The following TMEM255A variants were observed in gnomAD, a reference collection of about 807,000 sequenced individuals.
The protein encoded by TMEM255A is transmembrane protein 255A.
A neutral mutation model predicts 23.5 loss-of-function variants in TMEM255A; 14 were observed. The ratio of observed to expected loss-of-function variants is 0.60; its 90% CI spans 0.39 to 0.93. TMEM255A has a LOEUF of 0.93. Among genes scored for constraint, TMEM255A ranks in the 40% least tolerant of loss-of-function variants. The probability of loss-of-function intolerance (pLI) is 0.00; values close to 1 mark genes in which losing one functional copy is unlikely to be tolerated. For synonymous variants in TMEM255A, 104 were observed against 100.3 expected (o/e 1.04, Z -0.22); for missense variants, 233 against 261.7 (o/e 0.89, Z 0.76).
downstream of TMEM255A, chrX:120,253,975 A>G (rs185764423): frequency 3.6e-6 from 4 of 1,121,244 alleles, no homozygotes; most frequent in Non-Finnish European, 4.8e-6. Context: ...ATTGTTACCG[A>G]TTCTGATGAT....
Position 120,276,888 on chromosome X carries a change from G to A in TMEM255A, c.672C>T (p.Asp224=), listed in dbSNP as rs782179241. Residue 224 remains aspartate (D), a synonymous_variant, in exon 7 of 9, where the codon GAC becomes GAT. Coordinates refer to ENST00000371369, the MANE Select transcript of TMEM255A (RefSeq NM_001104544.3). The stretch of plus-strand genomic sequence containing the variant: ...GCAAAGTCAATTCTTTCCTTACCAT[G>A]TCCTTAAAGCCTCCAAGGACAGCGG... ...ITAAVLGGFK[D]MNPTLPALNC... The A allele has an allele frequency of 2.2e-5, 26 of 1,207,909 alleles. 1 individual carries two copies. In the East Asian group the frequency reaches 2.4e-4, roughly 11 times the overall value.
At chrX:120,288,462 T>C (rs1201107760) in intron 4 of TMEM255A, among the ~76,000 whole-genome samples, 2 of 112,401 alleles carry the variant, frequency 1.8e-5, no homozygotes, top group Non-Finnish European at 3.8e-5. Context: ...ATAATTATCA[T>C]AATTATCCTG....
At chrX:120,294,639 A>G (rs1556023708) in intron 2 of TMEM255A, among the ~76,000 whole-genome samples, 2 of 111,982 alleles carry the variant, frequency 1.8e-5, no homozygotes, top group Non-Finnish European at 3.8e-5. Context: ...TTCAATTGCA[A>G]TATCTATTAC....
the TMEM255A span, chrX:120,252,576 A>T: frequency 8.9e-6 from 1 of 111,963 alleles, no homozygotes; most frequent in South Asian, 3.6e-4. Context: ...ATGATTCTTT[A>T]CCAACAAAAA....
intron 1 of TMEM255A, among the ~76,000 whole-genome samples, chrX:120,308,744 G>A (rs1308304017): frequency 1.8e-5 from 2 of 111,995 alleles, no homozygotes; most frequent in Non-Finnish European, 3.8e-5. Flanking sequence ...TGGGGGCGGT[G>A]TTGCCAAAAG....
At chrX:120,296,578 A>G (rs2057958399) in intron 2 of TMEM255A, among the ~76,000 whole-genome samples, 1 of 87,142 alleles carries the variant, frequency 1.1e-5, no homozygotes, top group Admixed American at 1.6e-4. Flanking sequence ...CCAGGTAAAA[A>G]CAAAGTGCTA....
chrX:120,264,799 G>A (rs1052413737), intron 8 of TMEM255A, among the ~76,000 whole-genome samples: 4 of 109,685 alleles, frequency 3.6e-5, no homozygotes, highest in Middle Eastern at 4.6e-3. Context: ...TGGTTTTATT[G>A]TCAGATCTGG....
Position 120,304,266 on chromosome X carries a change from ACAGAATTGAAAACTATCAGAGCAGAGC to A in TMEM255A, c.201+56_201+82del, listed in dbSNP as rs782309633. The stretch of plus-strand genomic sequence containing the variant: ...ATCTGAGCAAACACTAGACACTCAA[ACAGAATTGAAAACTATCAGAGCAGAGC>A]CAGAATTTCTGTAGACAGCAAGCTA... On this transcript the variant is annotated intron_variant, in intron 2 of 8. Coordinates refer to ENST00000371369, the MANE Select transcript of TMEM255A (RefSeq NM_001104544.3). The A allele has an allele frequency of 1.4e-4, 141 of 1,012,295 alleles. 1 individual carries two copies. The African/African-American group carries it at 2.2e-3, about 16-fold the overall frequency. 83.4% of individuals were successfully genotyped at this position (1,012,295 alleles called of 1,213,427 possible).
chrX:120,283,775 G>C (rs1361910625), intron 6 of TMEM255A, among the ~76,000 whole-genome samples: 1 of 111,051 alleles, frequency 9.0e-6, no homozygotes, highest in East Asian at 2.8e-4. Flanking sequence ...TATGGCCTGC[G>C]CTCTTGCAAT....
intron 7 of TMEM255A, among the ~76,000 whole-genome samples, chrX:120,271,014 T>A (rs950848830): frequency 2.5e-4 from 28 of 111,146 alleles, no homozygotes; most frequent in Non-Finnish European, 5.1e-4. Context: ...TCTAATCTCA[T>A]GAATCAAAGA....
intron 1 of TMEM255A, 106 bp downstream of exon 1, chrX:120,311,146 C>T: frequency 1.3e-6 from 1 of 760,370 alleles, no homozygotes; most frequent in Non-Finnish European, 2.0e-6. Flanking sequence ...ATCCATGCCC[C>T]GTTTCCCGCT....
intron 4 of TMEM255A, among the ~76,000 whole-genome samples, chrX:120,289,488 T>C (rs2057899424): frequency 9.0e-6 from 1 of 111,679 alleles, no homozygotes. Context: ...TCATACCCAC[T>C]AGGATGGCTG....
chrX:120,311,047 C>G (rs2058097656), intron 1 of TMEM255A, among the ~76,000 whole-genome samples: 1 of 110,930 alleles, frequency 9.0e-6, no homozygotes, highest in Non-Finnish European at 1.9e-5. Flanking sequence ...CTTGGCGCTC[C>G]GATCTCCGCA....
downstream of TMEM255A, chrX:120,257,441 CATA>C (rs1207143894): frequency 8.1e-6 from 1 of 122,918 alleles, no homozygotes; most frequent in Non-Finnish European, 1.9e-5. Flanking sequence ...ATTAGTTTGT[CATA>C]ATAAAACTTG....
chrX:120,307,484 A>G (rs1370163769), intron 1 of TMEM255A, among the ~76,000 whole-genome samples: 1 of 112,442 alleles, frequency 8.9e-6, no homozygotes, highest in Non-Finnish European at 1.9e-5. Context: ...AGCAGCAGGT[A>G]TATGAAAATC....
the TMEM255A span, among the ~76,000 whole-genome samples, chrX:120,251,684 T>C: frequency 8.9e-6 from 1 of 112,109 alleles, no homozygotes; most frequent in Non-Finnish European, 1.9e-5. Context: ...CACCAGCTCC[T>C]CCGAACTGGC....
intron 7 of TMEM255A, among the ~76,000 whole-genome samples, chrX:120,271,486 TCAAGACAGAC>T (rs782310909): frequency 1.9e-4 from 21 of 112,055 alleles, no homozygotes; most frequent in Middle Eastern, 9.2e-3. Context: ...ATTGCCGCTA[TCAAGACAGAC>T]CATCAGCAAA....
downstream of TMEM255A, chrX:120,258,333 A>G (rs1377785970): frequency 1.6e-5 from 2 of 123,659 alleles, no homozygotes; most frequent in Non-Finnish European, 3.8e-5. Flanking sequence ...TCTACTTTTC[A>G]TTAACCATGG....
intron 7 of TMEM255A, among the ~76,000 whole-genome samples, chrX:120,269,845 C>G (rs922890856): frequency 5.4e-5 from 6 of 112,030 alleles, no homozygotes; most frequent in Admixed American, 1.9e-4. Context: ...CCTTGGCATA[C>G]TGTCAATTAA....
Sources: allele counts gnomAD v4.1 joint callset (sites outside exome capture counted in the v4.1 genomes callset), GRCh38; gene constraint gnomAD v4.1.1; transcripts MANE v1.5; gene names NCBI Gene and HGNC (gene_info 2026-07-23, HGNC 2026-07-21).